The following GABBR1 variants were observed in gnomAD, a reference collection of about 807,000 sequenced individuals.
GABBR1 encodes gamma-aminobutyric acid type B receptor subunit 1.
GABBR1 carries 35 observed loss-of-function variants against 117.7 expected under a neutral mutation model. The ratio of observed to expected loss-of-function variants is 0.30; its 90% CI spans 0.23 to 0.39. GABBR1 has a LOEUF of 0.39. Among genes scored for constraint, GABBR1 ranks in the 10% least tolerant of loss-of-function variants. The pLI, the probability that GABBR1 is intolerant of heterozygous loss-of-function variation, is 1.00. For missense variants in GABBR1, 709 were observed against 1,241.8 expected, an observed-to-expected ratio of 0.57 and a Z score of 6.45; for synonymous variants, 442 against 486.6, an observed-to-expected ratio of 0.91 and a Z score of 1.21.
At position 29,602,909 on chromosome 6, in the gene GABBR1, T is replaced by C. The variant is rs962782293; in HGVS notation, c.*634A>G. On this transcript the variant is annotated 3_prime_UTR_variant, in exon 23 of 23. Transcript: ENST00000377034. Reference sequence around the variant, plus strand: ...CATACGGGAAAAGCGTGTGTACACATGAGCATGTTCAGTGGGCACACGCAG... The same window carrying C: ...CATACGGGAAAAGCGTGTGTACACACGAGCATGTTCAGTGGGCACACGCAG... 2.3e-6 allele frequency: 1 copy of C among 428,124 alleles called. No homozygotes were observed. The highest frequency in any genetic ancestry group is 2.0e-5 in the African/African-American group (1 of 48,872). The allele number at this position is 428,124 out of a possible 1,614,324, so 26.5% of individuals were successfully genotyped here. A position where few individuals can be genotyped will look rare whatever the true frequency, so the allele number is the denominator to read the frequency against.
chr6:29,614,832 G>A (rs1407905735), intron 11 of GABBR1, among the ~76,000 whole-genome samples: 1 of 152,112 alleles, frequency 6.6e-6, no homozygotes, highest in Non-Finnish European at 1.5e-5. Context: ...GACTTTGGGT[G>A]ATTATGATGT....
rs1765176870 is a variant in GABBR1 at position 29,633,037 on chromosome 6, C to G, written c.-188G>C. On this transcript the variant is annotated 5_prime_UTR_variant, in exon 1 of 23. Transcript: ENST00000377034. The surrounding 1 kb of genome is among the most constrained non-coding windows in gnomAD (Gnocchi z 4.4). The stretch of plus-strand genomic sequence containing the variant: ...CTCTCGCTTCCCCCAAACCCCACCC[C>G]TGTCTCTTCTTCCCCGGGGCGGCGG... 6.5e-6 allele frequency: 1 copy of G among 153,938 alleles called. No individual in the cohort carries two copies. The highest frequency in any genetic ancestry group is 1.9e-4 in the East Asian group (1 of 5,194). The allele number at this position is 153,938 out of a possible 1,614,324, so 9.5% of individuals were successfully genotyped here.
At position 29,613,354 on chromosome 6, in the gene GABBR1, A is replaced by G; in HGVS notation, c.1455T>C (p.Ser485=). 6.2e-7 allele frequency: 1 copy of G among 1,613,106 alleles called. No homozygotes were observed. Among genetic ancestry groups the G allele is most frequent in the South Asian group, 1.1e-5 (1 of 91,084 alleles). ...WALALALNKT[S]GGGGRSGVRL... is the part of the protein sequence containing the mutation. ...GCACACCAGAACGGCCGCCTCCTCC[A>G]GATGTCTTGTTCAGGGCCAGTGCCA... Residue 485 remains serine (S), a synonymous_variant, in exon 12 of 23, where the codon TCT becomes TCC. Transcript: ENST00000377034. This position sits in a 1 kb window ranked among gnomAD's most constrained non-coding sequence, Gnocchi z 4.1.
chr6:29,626,718 C>A (rs1005579512), intron 6 of GABBR1, among the ~76,000 whole-genome samples: 21 of 151,568 alleles, frequency 1.4e-4, no homozygotes, highest in African/African-American at 4.6e-4. Flanking sequence ...ACCTCCTTGC[C>A]CCTCTCCCCC....
chr6:29,617,301 CTTTTTTTTT>C (rs373993426), intron 11 of GABBR1, among the ~76,000 whole-genome samples: 2 of 119,872 alleles, frequency 1.7e-5, no homozygotes, highest in Non-Finnish European at 3.3e-5. Flanking sequence ...TTCTTTCTTT[CTTTTTTTTT>C]TTTTTTTTTT....
At position 29,607,887 on chromosome 6, in the gene GABBR1, T is replaced by C. The variant is rs1218905349; in HGVS notation, c.1993-669A>G. Among the ~76,000 whole-genome samples, 2 of 152,234 alleles carry C rather than the reference T, an allele frequency of 1.3e-5. No homozygotes were observed. Among genetic ancestry groups the C allele is most frequent in the African/African-American group, 4.8e-5 (2 of 41,464 alleles). On this transcript the variant is annotated intron_variant, in intron 16 of 22. Coordinates refer to ENST00000377034, the MANE Select transcript of GABBR1 (RefSeq NM_001470.4). This position sits in a 1 kb window ranked among gnomAD's most constrained non-coding sequence, Gnocchi z 5.0. The stretch of plus-strand genomic sequence containing the variant: ...TATTGCACTACAGCTAATTGTCTGC[T>C]TCTCCAGCTGCACTCTGGCCTCACT...
Position 29,630,524 on chromosome 6 carries a change from G to T in GABBR1, c.409C>A (p.Leu137Met). The T allele has an allele frequency of 6.2e-7, 1 of 1,613,116 alleles. No individual in the cohort carries two copies. Among genetic ancestry groups the T allele is most frequent in the Non-Finnish European group, 8.5e-7 (1 of 1,180,040 alleles). The change falls in exon 4 of 23, where the codon CTG (leucine) becomes ATG (methionine). Residue 137 changes from leucine (L) to methionine (M), a missense_variant. Leu to Met is a conservative substitution (Grantham distance 15). Coordinates refer to ENST00000377034, the MANE Select transcript of GABBR1 (RefSeq NM_001470.4). This position sits in a 1 kb window ranked among gnomAD's most constrained non-coding sequence, Gnocchi z 4.9. ...VDFRCDPDFHLVGSSRSICSQ... is the reference protein window; with the variant it reads ...VDFRCDPDFHMVGSSRSICSQ... ...CAGATGCTCCGGGAGCTGCCCACCA[G>T]ATGGAAGTCGGGGTCACACCGGAAA...
rs2127444937 is a variant in GABBR1, at chr6:29,627,764, C to G, written c.497-118G>C. The stretch of plus-strand genomic sequence containing the variant: ...ACCAGAAGCGGCAGTGGCCACCCCA[C>G]CCGGGCAAAAGGGGCCCCGGGCCCC... On this transcript the variant is annotated intron_variant, in intron 5 of 22. Coordinates refer to ENST00000377034, the MANE Select transcript of GABBR1 (RefSeq NM_001470.4). This position sits in a 1 kb window ranked among gnomAD's most constrained non-coding sequence, Gnocchi z 4.4. 2 of 1,478,756 alleles carry G rather than the reference C, an allele frequency of 1.4e-6. No homozygotes were observed. The highest frequency in any genetic ancestry group is 2.5e-5 in the East Asian group (1 of 39,844). The allele number at this position is 1,478,756 out of a possible 1,614,324, so 91.6% of individuals were successfully genotyped here.
chr6:29,621,637 T>C lies in GABBR1; in HGVS notation c.1131+115A>G. Reference sequence around the variant, plus strand: ...CCAACAGACAGAGACATCCTATGAATCGTCACCTCAGATCATATGCTATCA... The same window carrying C: ...CCAACAGACAGAGACATCCTATGAACCGTCACCTCAGATCATATGCTATCA... On this transcript the variant is annotated intron_variant, in intron 10 of 22. Coordinates refer to ENST00000377034, the MANE Select transcript of GABBR1 (RefSeq NM_001470.4). This position sits in a 1 kb window ranked among gnomAD's most constrained non-coding sequence, Gnocchi z 5.0. The C allele has an allele frequency of 1.1e-6, 1 of 873,154 alleles. No individual in the cohort carries two copies. Among genetic ancestry groups the C allele is most frequent in the Non-Finnish European group, 1.9e-6 (1 of 525,968 alleles). The allele number at this position is 873,154 out of a possible 1,614,324, so 54.1% of individuals were successfully genotyped here.
Position 29,629,081 on chromosome 6 carries a change from T to A in GABBR1, c.496+6A>T, listed in dbSNP as rs1764688571. 6.2e-7 allele frequency: 1 copy of A among 1,612,750 alleles called. No individual in the cohort carries two copies. The highest frequency in any genetic ancestry group is 1.7e-5 in the Admixed American group (1 of 59,988). Reference sequence around the variant, plus strand: ...CAGTGCGCGCGGTAAGGGTTTCTCATCTCACCTGAGTGTGGCGTTCGATTC... The same window carrying A: ...CAGTGCGCGCGGTAAGGGTTTCTCAACTCACCTGAGTGTGGCGTTCGATTC... On this transcript the variant is annotated splice_donor_region_variant and intron_variant, in intron 5 of 22. Coordinates refer to ENST00000377034, the MANE Select transcript of GABBR1 (RefSeq NM_001470.4).
Position 29,620,778 on chromosome 6 carries a change from A to C in GABBR1, c.1323+323T>G, listed in dbSNP as rs531534589. Among the ~76,000 whole-genome samples the C allele has an allele frequency of 2.0e-5, 3 of 152,296 alleles. No individual in the cohort carries two copies. The highest frequency in any genetic ancestry group is 7.2e-5 in the African/African-American group (3 of 41,564). On this transcript the variant is annotated intron_variant, in intron 11 of 22. Transcript: ENST00000377034. This position sits in a 1 kb window ranked among gnomAD's most constrained non-coding sequence, Gnocchi z 4.5. ...TAAAGGTGTGCTTGAGTATACAAGC[A>C]TCCATATTATCATTAATGCCGGTTC...
Position 29,609,336 on chromosome 6 carries a change from G to T in GABBR1, c.1752C>A (p.Phe584Leu). Residue 584 changes from phenylalanine to leucine, a missense_variant, in exon 15 of 23, where the codon TTC (phenylalanine) becomes TTA (leucine). Transcript: ENST00000377034. This position sits in a 1 kb window ranked among gnomAD's most constrained non-coding sequence, Gnocchi z 4.3. ...PADQTLVIKTFRFLSQKLFIS... is the reference protein window; with the variant it reads ...PADQTLVIKTLRFLSQKLFIS... ...TAAAGAGTTTCTGTGACAGGAAGCG[G>T]AATGTCTTGATGACCAGGGTCTGGT... is the stretch of plus-strand genomic sequence containing the variant. The T allele has an allele frequency of 6.2e-7, 1 of 1,613,052 alleles. No homozygotes were observed. Among genetic ancestry groups the T allele is most frequent in the Non-Finnish European group, 8.5e-7 (1 of 1,180,022 alleles).
Position 29,621,721 on chromosome 6 carries a change from A to C in GABBR1, c.1131+31T>G. 6.3e-7 allele frequency: 1 copy of C among 1,587,140 alleles called. No homozygotes were observed. Among genetic ancestry groups the C allele is most frequent in the Non-Finnish European group, 8.7e-7 (1 of 1,155,534 alleles). On this transcript the variant is annotated intron_variant, in intron 10 of 22. Coordinates refer to ENST00000377034, the MANE Select transcript of GABBR1 (RefSeq NM_001470.4). This position sits in a 1 kb window ranked among gnomAD's most constrained non-coding sequence, Gnocchi z 5.0. ...AGAAAACCAAGGGAAACTCCCACCC[A>C]GTGCCCCTCCCTCTTCAGATCCAAC... is the stretch of plus-strand genomic sequence containing the variant.
Position 29,627,455 on chromosome 6 carries a change from ACCT to A in GABBR1, c.657+28_657+30del. ...CTGGCCCCCTGCCCCGCAAGCCCCC[ACCT>A]CCCACCCACCCCCATGTCCAGGGCT... On this transcript the variant is annotated intron_variant, in intron 6 of 22. Transcript: ENST00000377034. This position sits in a 1 kb window ranked among gnomAD's most constrained non-coding sequence, Gnocchi z 4.4. 13 of 341,656 alleles carry A rather than the reference ACCT, an allele frequency of 3.8e-5. No homozygotes were observed. Among genetic ancestry groups the A allele is most frequent in the Non-Finnish European group, 4.7e-5 (10 of 213,504 alleles). The allele number at this position is 341,656 out of a possible 1,614,324, so 21.2% of individuals were successfully genotyped here.
At chr6:29,615,234 G>C (rs1371711363) in intron 11 of GABBR1, among the ~76,000 whole-genome samples, 2 of 150,832 alleles carry the variant, frequency 1.3e-5, no homozygotes, top group Admixed American at 1.3e-4. Flanking sequence ...GGAGGTTACA[G>C]TGAGCTGAGA....
rs1485662570 is a variant in GABBR1 at position 29,606,117 on chromosome 6, T to C, written c.2311+274A>G. The C allele has an allele frequency of 3.6e-6, 2 of 557,242 alleles. No homozygotes were observed. The highest frequency in any genetic ancestry group is 6.4e-6 in the Non-Finnish European group (2 of 313,838). The allele number at this position is 557,242 out of a possible 1,614,324, so 34.5% of individuals were successfully genotyped here. A position where few individuals can be genotyped will look rare whatever the true frequency, so the allele number is the denominator to read the frequency against. On this transcript the variant is annotated intron_variant, in intron 19 of 22. Coordinates refer to ENST00000377034, the MANE Select transcript of GABBR1 (RefSeq NM_001470.4). The surrounding 1 kb of genome is among the most constrained non-coding windows in gnomAD (Gnocchi z 4.5). The stretch of plus-strand genomic sequence containing the variant: ...GGGATCTAAAAGATAATGTCAAGTC[T>C]GGAGGTGGGGTTACCCCCACTTGTT...
Position 29,630,864 on chromosome 6 carries a change from A to G in GABBR1, c.290-221T>C, listed in dbSNP as rs1373938316. Among the ~76,000 whole-genome samples the G allele has an allele frequency of 6.6e-6, 1 of 152,218 alleles. No individual in the cohort carries two copies. Among genetic ancestry groups the G allele is most frequent in the Non-Finnish European group, 1.5e-5 (1 of 68,036 alleles). Reference sequence around the variant, plus strand: ...AAAAAATTACCATTTTAGGAACCCAAGATGGGGCTATAAGCACACAAAATG... The same window carrying G: ...AAAAAATTACCATTTTAGGAACCCAGGATGGGGCTATAAGCACACAAAATG... On this transcript the variant is annotated intron_variant, in intron 3 of 22. Transcript: ENST00000377034. This position sits in a 1 kb window ranked among gnomAD's most constrained non-coding sequence, Gnocchi z 4.9.
chr6:29,610,385 A>G (rs1004745339), intron 14 of GABBR1, among the ~76,000 whole-genome samples: 5 of 152,196 alleles, frequency 3.3e-5, no homozygotes, highest in Admixed American at 2.6e-4. Context: ...CTTCACCACT[A>G]TGCAATATAT....
Position 29,621,140 on chromosome 6 carries a change from G to A in GABBR1, c.1284C>T (p.Val428=), listed in dbSNP as rs558955448. 1 of 1,612,992 alleles carries A rather than the reference G, an allele frequency of 6.2e-7. No individual in the cohort carries two copies. Among genetic ancestry groups the A allele is most frequent in the East Asian group, 2.2e-5 (1 of 44,876 alleles). The change falls in exon 11 of 23, where the codon GTC becomes GTT. Residue 428 remains valine, a synonymous_variant. Transcript: ENST00000377034. The surrounding 1 kb of genome is among the most constrained non-coding windows in gnomAD (Gnocchi z 5.0). The part of the protein sequence containing the change: ...AVEGHITTEI[V]MLNPANTRSI... ...TGCGGGTATTGGCAGGATTCAGCATGACAATCTCAGTTGTGATGTGGCCCT... is the reference window on the plus strand; with the variant it reads ...TGCGGGTATTGGCAGGATTCAGCATAACAATCTCAGTTGTGATGTGGCCCT...
Sources: allele counts gnomAD v4.1 joint callset (sites outside exome capture counted in the v4.1 genomes callset), GRCh38; gene constraint gnomAD v4.1.1; non-coding constraint Gnocchi (gnomAD v3.1); transcripts MANE v1.5; gene names NCBI Gene and HGNC (gene_info 2026-07-23, HGNC 2026-07-21).